Variants in ERBB2 observed in about 807,000 individuals in gnomAD.
ERBB2 encodes erb-b2 receptor tyrosine kinase 2, also known as receptor tyrosine-protein kinase erbB-2.
ERBB2 carries 61 observed loss-of-function variants against 149.0 expected under a neutral mutation model. The observed-to-expected ratio is 0.41, with a 90% CI of 0.33 to 0.51. The LOEUF (loss-of-function observed/expected upper bound fraction) is 0.51. Among genes scored for constraint, ERBB2 ranks in the 20% least tolerant of loss-of-function variants. The probability of loss-of-function intolerance (pLI) is 0.25; values close to 1 mark genes in which losing one functional copy is unlikely to be tolerated. For synonymous variants in ERBB2, 633 were observed against 678.8 expected (o/e 0.93, Z 1.05); for missense variants, 1,205 against 1,655.1 (o/e 0.73, Z 4.72).
chr17:39,696,290 C>T (rs1001598930), upstream of ERBB2, among the ~76,000 whole-genome samples: 7 of 152,092 alleles, frequency 4.6e-5, no homozygotes, highest in African/African-American at 1.7e-4. Context: ...CTCCCCAGGG[C>T]GTGAGTTCTG....
exon 2 of ERBB2, chr17:39,688,763 G>T (rs1212626870): frequency 1.3e-5 from 2 of 152,340 alleles, no homozygotes; most frequent in African/African-American, 4.8e-5. Flanking sequence ...TTGCTGTCCT[G>T]TTCACCACTC....
rs1050586382 is a variant in ERBB2 at position 39,700,237 on chromosome 17, C to T, written c.-2C>T. ...CATGGGGCCGGAGCCGCAGTGAGCA[C>T]CATGGAGCTGGCGGCCTTGTGCCGC... On this transcript the variant is annotated 5_prime_UTR_variant, in exon 1 of 27. Transcript: ENST00000269571. 43 of 1,444,336 alleles carry T rather than the reference C, an allele frequency of 3.0e-5. No individual in the cohort carries two copies. In the East Asian group the frequency reaches 5.4e-4, roughly 18 times the overall value. 89.5% of individuals were successfully genotyped at this position (1,444,336 alleles called of 1,614,324 possible).
intron 2 of ERBB2, chr17:39,707,562 T>C (rs2058522922): frequency 6.1e-6 from 1 of 162,704 alleles, no homozygotes; most frequent in African/African-American, 2.4e-5. Flanking sequence ...GGTCTCAGTT[T>C]CCCTATCTGT....
At chr17:39,714,174 GACAC>G (rs1597870970) in intron 9 of ERBB2, among the ~76,000 whole-genome samples, 1 of 151,976 alleles carries the variant, frequency 6.6e-6, no homozygotes, top group East Asian at 1.9e-4. Flanking sequence ...TGCATCTGTA[GACAC>G]ACACACAGTG....
At chr17:39,720,098 G>C (rs1436514726) in intron 16 of ERBB2, 1 of 487,926 alleles carries the variant, frequency 2.0e-6, no homozygotes, top group Non-Finnish European at 3.7e-6. Context: ...GAGGGACACA[G>C]GCAAAGTTCA....
In ERBB2 at chr17:39,728,595, G is replaced by A. The variant is rs1182600687; in HGVS notation, c.*551G>A. 4.3e-5 allele frequency: 10 copies of A among 233,368 alleles called. No homozygotes were observed. The highest frequency in any genetic ancestry group is 8.5e-5 in the Non-Finnish European group (10 of 118,158). 14.5% of individuals were successfully genotyped at this position (233,368 alleles called of 1,614,324 possible). On this transcript the variant is annotated 3_prime_UTR_variant, in exon 27 of 27. Coordinates refer to ENST00000269571, the MANE Select transcript of ERBB2 (RefSeq NM_004448.4). ...GGGGAGAATGGGTGTTGTATGGGGAGGCAAGTGTGGGGGGTCCTTCTCCAC... is the reference window on the plus strand; with the variant it reads ...GGGGAGAATGGGTGTTGTATGGGGAAGCAAGTGTGGGGGGTCCTTCTCCAC...
chr17:39,693,717 C>T (rs182543906), upstream of ERBB2, among the ~76,000 whole-genome samples: 1,564 of 150,692 alleles, frequency 0.01, 89 homozygotes, highest in Admixed American at 0.093. Flanking sequence ...GAGATTGCAC[C>T]GTTGCATTCC....
At chr17:39,716,843 C>T (rs2059160091) in intron 14 of ERBB2, 1 of 564,288 alleles carries the variant, frequency 1.8e-6, no homozygotes, top group Non-Finnish European at 3.2e-6. Flanking sequence ...GTGACTGTGG[C>T]TGTGCTAGGG....
chr17:39,724,625 C>T (rs2059644803), intron 19 of ERBB2, 101 bp from the exon 20 acceptor site: 2 of 1,055,476 alleles, frequency 1.9e-6, no homozygotes, highest in Non-Finnish European at 2.9e-6. Context: ...TGAGCCTTCA[C>T]AGGCTGTGGG....
At position 39,715,752 on chromosome 17, in the gene ERBB2, G is replaced by A. The variant is rs4252632; in HGVS notation, c.1326G>A (p.Ser442=). The A allele has an allele frequency of 8.7e-6, 14 of 1,606,446 alleles. No homozygotes were observed. Among genetic ancestry groups the A allele is most frequent in the African/African-American group, 1.3e-5 (1 of 74,908 alleles). The change falls in exon 12 of 27, where the codon TCG becomes TCA. Residue 442 remains serine, a synonymous_variant. Coordinates refer to ENST00000269571, the MANE Select transcript of ERBB2 (RefSeq NM_004448.4). The part of the protein sequence containing the change: ...RGRILHNGAY[S]LTLQGLGISW... ...CTTTCTCCCATAGTGGCGCCTACTC[G>A]CTGACCCTGCAAGGGCTGGGCATCA...
At chr17:39,699,938 A>G (rs1238785471), upstream of ERBB2, 3 of 1,131,342 alleles carry the variant, frequency 2.7e-6, no homozygotes, top group Non-Finnish European at 3.4e-6. Flanking sequence ...CCACTCCCAG[A>G]CTTGTTGGAA....
intron 14 of ERBB2, 61 bp downstream of exon 14, chr17:39,716,666 C>A (rs2145693560): frequency 6.8e-7 from 1 of 1,477,008 alleles, no homozygotes; most frequent in Non-Finnish European, 9.4e-7. Flanking sequence ...TTGCCAGGGA[C>A]TTGGCAGGAT....
At chr17:39,724,938 T>C (rs1427546750) in intron 20 of ERBB2, 27 bp downstream of exon 20, 2 of 1,610,194 alleles carry the variant, frequency 1.2e-6, no homozygotes, top group Non-Finnish European at 1.7e-6. Context: ...TTTGCAGGTC[T>C]CTCCGGAGCA....
chr17:39,726,193 G>T lies in ERBB2; in HGVS notation c.2872+340G>T, dbSNP rs59755298. The T allele has an allele frequency of 9.9e-3, 3,968 of 398,944 alleles. 33 individuals carry two copies. Among genetic ancestry groups the T allele is most frequent in the Middle Eastern group, 0.034 (47 of 1,402 alleles). The allele number at this position is 398,944 out of a possible 1,614,324, so 24.7% of individuals were successfully genotyped here. On this transcript the variant is annotated intron_variant, in intron 23 of 26. Coordinates refer to ENST00000269571, the MANE Select transcript of ERBB2 (RefSeq NM_004448.4). The surrounding 1 kb of genome is among the most constrained non-coding windows in gnomAD (Gnocchi z 5.1). ...TACAAAAAATAAAAAAATTATCTGG[G>T]TGTGGTGGTGTGTGCCAGTAGTCCC...
chr17:39,725,022 G>A lies in ERBB2; in HGVS notation c.2494-27G>A, dbSNP rs749244721. ...TGGCCAGGCCCAGGCCCTCCCAGAA[G>A]GTCTACATGGGTGCTTCCCATTCCA... On this transcript the variant is annotated intron_variant, in intron 20 of 26. Transcript: ENST00000269571. The surrounding 1 kb of genome is among the most constrained non-coding windows in gnomAD (Gnocchi z 4.6). 2 of 1,613,500 alleles carry A rather than the reference G, an allele frequency of 1.2e-6. No individual in the cohort carries two copies. Among genetic ancestry groups the A allele is most frequent in the Non-Finnish European group, 1.7e-6 (2 of 1,179,502 alleles).
At chr17:39,724,166 T>C (rs2145832079) in intron 19 of ERBB2, among the ~76,000 whole-genome samples, 156 bp downstream of exon 19, 1 of 152,048 alleles carries the variant, frequency 6.6e-6, no homozygotes, top group South Asian at 2.1e-4. Flanking sequence ...TCACCCAGGC[T>C]GGAGTGCAGT....
upstream of ERBB2, among the ~76,000 whole-genome samples, chr17:39,691,957 ATC>A (rs1555611757): frequency 6.9e-6 from 1 of 145,382 alleles, no homozygotes; most frequent in African/African-American, 2.6e-5. Flanking sequence ...ATATATATAT[ATC>A]TCTTGTGTCT....
chr17:39,706,894 T>C, intron 1 of ERBB2, 96 bp from the exon 2 acceptor site: 2 of 1,288,856 alleles, frequency 1.6e-6, no homozygotes, highest in Non-Finnish European at 2.1e-6. Flanking sequence ...TCTCCCTGTC[T>C]GAGGTGGCAT....
In ERBB2 at chr17:39,727,732, C is replaced by T. The variant is rs551805660; in HGVS notation, c.3456C>T (p.Pro1152=). Residue 1152 remains proline (P), a synonymous_variant, in exon 27 of 27, where the codon CCC becomes CCT. Transcript: ENST00000269571. The surrounding 1 kb of genome is among the most constrained non-coding windows in gnomAD (Gnocchi z 4.3). ...QPDVRPQPPS[P]REGPLPAARP... ...ATGTTCGGCCCCAGCCCCCTTCGCC[C>T]CGAGAGGGCCCTCTGCCTGCTGCCC... 2 of 1,581,810 alleles carry T rather than the reference C, an allele frequency of 1.3e-6. No homozygotes were observed. The highest frequency in any genetic ancestry group is 1.2e-5 in the South Asian group (1 of 86,706).
Sources: allele counts gnomAD v4.1 joint callset (sites outside exome capture counted in the v4.1 genomes callset), GRCh38; gene constraint gnomAD v4.1.1; non-coding constraint Gnocchi (gnomAD v3.1); transcripts MANE v1.5; gene names NCBI Gene and HGNC (gene_info 2026-07-23, HGNC 2026-07-21).